The following SLC38A6 variants were observed in gnomAD, a reference collection of about 807,000 sequenced individuals.
The protein encoded by SLC38A6 is solute carrier family 38 member 6.
SLC38A6 carries 73 observed loss-of-function variants against 65.0 expected under a neutral mutation model. That is an observed-to-expected ratio of 1.12 (90% CI 0.93 to 1.37). The LOEUF is 1.37. SLC38A6 is among the 40% of genes most tolerant of loss of function. The pLI is 0.00. For missense variants in SLC38A6, 561 were observed against 531.1 expected, an observed-to-expected ratio of 1.06 and a Z score of -0.55; for synonymous variants, 183 against 178.8, an observed-to-expected ratio of 1.02 and a Z score of -0.19.
chr14:61,009,713 A>AT (rs1820972855), intron 3 of SLC38A6, among the ~76,000 whole-genome samples: 1 of 152,156 alleles, frequency 6.6e-6, no homozygotes, highest in Admixed American at 6.6e-5. Context: ...ACATGCACTC[A>AT]TCATTTTTTA....
At chr14:60,986,400 T>C (rs1434923657) in intron 3 of SLC38A6, among the ~76,000 whole-genome samples, 1 of 152,228 alleles carries the variant, frequency 6.6e-6, no homozygotes, top group African/African-American at 2.4e-5. Context: ...GGCCAGCCAG[T>C]GCCAGATATG....
At chr14:60,997,766 A>T (rs1427806029) in intron 3 of SLC38A6, among the ~76,000 whole-genome samples, 1 of 152,232 alleles carries the variant, frequency 6.6e-6, no homozygotes, top group Non-Finnish European at 1.5e-5. Flanking sequence ...AAATGTGGAC[A>T]ATAAAGGAGA....
At chr14:60,993,647 G>A (rs1454744719) in intron 3 of SLC38A6, among the ~76,000 whole-genome samples, 3 of 152,168 alleles carry the variant, frequency 2.0e-5, no homozygotes, top group Admixed American at 1.3e-4. Flanking sequence ...AGACCTACAG[G>A]TAAAAATAGT....
At chr14:61,005,011 T>G (rs946620350) in intron 3 of SLC38A6, among the ~76,000 whole-genome samples, 1 of 152,120 alleles carries the variant, frequency 6.6e-6, no homozygotes. Context: ...GCTTCATCCC[T>G]AGGATGCAAG....
chr14:61,005,107 T>C (rs141470796), intron 3 of SLC38A6, among the ~76,000 whole-genome samples: 6 of 152,320 alleles, frequency 3.9e-5, no homozygotes, highest in African/African-American at 1.2e-4. Flanking sequence ...TCTCAATAGA[T>C]GCAGAAAAGG....
In SLC38A6 at chr14:61,014,050, T is replaced by C. The variant is rs370640706; in HGVS notation, c.311-1854T>C. On this transcript the variant is annotated intron_variant, in intron 3 of 15. Transcript: ENST00000267488. ...CAGACGTAGATTTGGTCTTTTCACATAGTCCCATATTTCTTGGAGGCTTTG... is the reference window on the plus strand; with the variant it reads ...CAGACGTAGATTTGGTCTTTTCACACAGTCCCATATTTCTTGGAGGCTTTG... Among the ~76,000 whole-genome samples, 166 of 152,334 alleles carry C rather than the reference T, an allele frequency of 1.1e-3. No homozygotes were observed. In the East Asian group the frequency reaches 0.023, roughly 21 times the overall value.
chr14:61,028,802 T>C (rs2040761555), intron 5 of SLC38A6, among the ~76,000 whole-genome samples: 2 of 152,306 alleles, frequency 1.3e-5, no homozygotes, highest in South Asian at 4.1e-4. Context: ...CATAAATACA[T>C]GTTATTTTAC....
intron 8 of SLC38A6, among the ~76,000 whole-genome samples, chr14:61,040,037 T>C (rs528412854): frequency 5.3e-5 from 8 of 152,040 alleles, no homozygotes; most frequent in Middle Eastern, 3.4e-3. Context: ...GGATTTACCT[T>C]TTTTTGGTAA....
At chr14:61,049,732 A>C (rs1257158975) in intron 12 of SLC38A6, among the ~76,000 whole-genome samples, 4 of 152,134 alleles carry the variant, frequency 2.6e-5, no homozygotes. Context: ...AACACTCTCA[A>C]ATTAAAAGGC....
At position 60,981,770 on chromosome 14, in the gene SLC38A6, C is replaced by T. The variant is rs2037047900; in HGVS notation, c.105+388C>T. ...GAGTCACAGGATTTTCCTCTTCCGA[C>T]TTAGTCATGGGGGGAGGGAAAATAA... is the stretch of plus-strand genomic sequence containing the variant. On this transcript the variant is annotated intron_variant, in intron 1 of 15. Transcript: ENST00000267488. 6 of 1,248,900 alleles carry T rather than the reference C, an allele frequency of 4.8e-6. No individual in the cohort carries two copies. In the Admixed American group the frequency reaches 1.4e-4, roughly 29 times the overall value. 77.4% of individuals were successfully genotyped at this position (1,248,900 alleles called of 1,614,324 possible). A position where few individuals can be genotyped will look rare whatever the true frequency, so the allele number is the denominator to read the frequency against.
Position 60,993,782 on chromosome 14 carries a change from C to T in SLC38A6, c.310+8979C>T, listed in dbSNP as rs141171292. On this transcript the variant is annotated intron_variant, in intron 3 of 15. Coordinates refer to ENST00000267488, the MANE Select transcript of SLC38A6 (RefSeq NM_153811.3). The stretch of plus-strand genomic sequence containing the variant: ...TTAGTCTTTTAATGCATCACACTTA[C>T]GTCAAGAAATAGCCAAGTATCACCA... Among the ~76,000 whole-genome samples, 101 of 152,296 alleles carry T rather than the reference C, an allele frequency of 6.6e-4. 1 individual carries two copies. In the East Asian group the frequency reaches 0.011, roughly 17 times the overall value.
At chr14:61,068,244 T>C (rs1325854207) in intron 15 of SLC38A6, among the ~76,000 whole-genome samples, 1 of 152,140 alleles carries the variant, frequency 6.6e-6, no homozygotes, top group African/African-American at 2.4e-5. Flanking sequence ...CCTGTTTTCA[T>C]CCAACATCCC....
chr14:60,994,522 G>A (rs977018838), intron 3 of SLC38A6, among the ~76,000 whole-genome samples: 5 of 152,040 alleles, frequency 3.3e-5, no homozygotes, highest in Non-Finnish European at 7.4e-5. Flanking sequence ...TCCAGCCTGA[G>A]CAACAAGAGC....
rs1368658719 is a variant in SLC38A6, at chr14:61,015,918, G to A, written c.325G>A (p.Glu109Lys). The change falls in exon 4 of 16, where the codon GAA becomes AAA. Residue 109 changes from glutamate to lysine, a missense_variant. Coordinates refer to ENST00000267488, the MANE Select transcript of SLC38A6 (RefSeq NM_153811.3). ...MCIQTAVTSY[E>K]DLGLFAFGLP... Reference sequence around the variant, plus strand: ...TCTCTTAACAGCTGTAACATCTTATGAAGATCTTGGACTCTTTGCATTTGG... The same window carrying A: ...TCTCTTAACAGCTGTAACATCTTATAAAGATCTTGGACTCTTTGCATTTGG... 70 of 1,607,826 alleles carry A rather than the reference G, an allele frequency of 4.4e-5. No homozygotes were observed. Among genetic ancestry groups the A allele is most frequent in the Non-Finnish European group, 5.7e-5 (67 of 1,178,500 alleles).
At chr14:61,036,960 CTGTGTGTGTGTG>C (rs34977105) in intron 6 of SLC38A6, 87 bp from the exon 7 acceptor site, 311 of 438,360 alleles carry the variant, frequency 7.1e-4, no homozygotes, top group Non-Finnish European at 9.3e-4. Context: ...GGTTATAACT[CTGTGTGTGTGTG>C]TGTGTGTGTG....
intron 6 of SLC38A6, among the ~76,000 whole-genome samples, chr14:61,036,359 C>T (rs1425024528): frequency 2.0e-5 from 3 of 151,374 alleles, no homozygotes; most frequent in East Asian, 1.9e-4. Context: ...AACCAAACAC[C>T]GCATGTTCTC....
chr14:61,036,453 G>A (rs2041376508), intron 6 of SLC38A6, among the ~76,000 whole-genome samples: 1 of 149,572 alleles, frequency 6.7e-6, no homozygotes, highest in Admixed American at 6.7e-5. Flanking sequence ...GTGGGTGGGG[G>A]CAAGGGGAGG....
intron 3 of SLC38A6, chr14:61,004,407 GC>G (rs2038932148): frequency 6.6e-6 from 1 of 152,114 alleles, no homozygotes; most frequent in Non-Finnish European, 1.5e-5. Flanking sequence ...ACACTGAAAA[GC>G]CTTCTTGCTC....
At chr14:61,078,804 A>G in intron 15 of SLC38A6, 1 of 197,370 alleles carries the variant, frequency 5.1e-6, no homozygotes, top group Non-Finnish European at 9.8e-6. Flanking sequence ...ATTTATTTTG[A>G]GACAGGGTCT....
Sources: gnomAD v4.1 joint callset for allele counts (sites outside exome capture counted in the v4.1 genomes callset) on GRCh38, gnomAD v4.1.1 for gene constraint, MANE v1.5 for transcripts, NCBI Gene and HGNC (gene_info 2026-07-23, HGNC 2026-07-21) for gene names.